DCC: variants seen among roughly 807,000 people sequenced by gnomAD.
DCC encodes the protein DCC netrin 1 receptor.
In DCC, 58 loss-of-function variants were observed where a neutral mutation model predicts 172.5. The observed-to-expected ratio is 0.34, with a 90% confidence interval of 0.27 to 0.42. DCC has a LOEUF of 0.42. Among genes scored for constraint, DCC ranks in the 10% least tolerant of loss-of-function variants. DCC has a pLI of 1.00. For missense variants in DCC, 1,740 were observed against 1,791.0 expected, an observed-to-expected ratio of 0.97 and a Z score of 0.51; for synonymous variants, 709 against 644.5, an observed-to-expected ratio of 1.10 and a Z score of -1.52.
chr18:53,192,832 C>T (rs1445066189), intron 9 of DCC, among the ~76,000 whole-genome samples: 1 of 152,180 alleles, frequency 6.6e-6, no homozygotes, highest in African/African-American at 2.4e-5. Context: ...CACACGTCTC[C>T]ACCTACACGC....
chr18:53,068,364 T>G (rs1038046388), intron 7 of DCC, among the ~76,000 whole-genome samples: 3 of 151,798 alleles, frequency 2.0e-5, no homozygotes, highest in African/African-American at 7.3e-5. Context: ...CTGCACCCAT[T>G]AACTCGTCAT....
chr18:52,993,139 T>C (rs1382127119), intron 5 of DCC, among the ~76,000 whole-genome samples: 3 of 152,122 alleles, frequency 2.0e-5, no homozygotes, highest in African/African-American at 7.2e-5. Flanking sequence ...TTAGAAAATA[T>C]CTCTGACAAG....
Position 52,610,169 on chromosome 18 carries a change from AAAAAAAAAAATATATAT to A in DCC, c.92-141883_92-141867del, listed in dbSNP as rs1179245145. ...TCTCTCATAAAAAAAAAAAAAAAAAAAAAAAAAAAATATATATATATATATATATATATATATATATA... is the reference window on the plus strand; with the variant it reads ...TCTCTCATAAAAAAAAAAAAAAAAAAATATATATATATATATATATATATA... On this transcript the variant is annotated intron_variant, in intron 1 of 28. Transcript: ENST00000442544. 3.8e-3 allele frequency among the ~76,000 whole-genome samples: 104 copies of A among 27,240 alleles called. 4 individuals carry two copies. Among genetic ancestry groups the A allele is most frequent in the African/African-American group, 0.017 (103 of 6,046 alleles). The allele number at this position is 27,240 out of a possible 152,430, so 17.9% of individuals were successfully genotyped here.
At chr18:52,518,130 C>A (rs1055703752) in intron 1 of DCC, among the ~76,000 whole-genome samples, 2 of 152,126 alleles carry the variant, frequency 1.3e-5, no homozygotes, top group Non-Finnish European at 2.9e-5. Flanking sequence ...AAAAAGCAAT[C>A]CTCCTAGAAA....
intron 2 of DCC, among the ~76,000 whole-genome samples, chr18:52,864,384 A>G (rs1025856852): frequency 1.3e-5 from 2 of 152,224 alleles, no homozygotes; most frequent in Admixed American, 1.3e-4. Context: ...TTTACAAGGA[A>G]ACACACAGAT....
At chr18:53,417,350 G>A (rs1910374163) in intron 21 of DCC, among the ~76,000 whole-genome samples, 1 of 152,130 alleles carries the variant, frequency 6.6e-6, no homozygotes, top group African/African-American at 2.4e-5. Flanking sequence ...ACTGTGCACA[G>A]CAATGGCTAC....
intron 1 of DCC, among the ~76,000 whole-genome samples, chr18:52,532,836 C>T (rs2032189217): frequency 6.6e-6 from 1 of 151,998 alleles, no homozygotes; most frequent in Non-Finnish European, 1.5e-5. Context: ...GTAGACCATT[C>T]AGTGGTTTTT....
intron 2 of DCC, among the ~76,000 whole-genome samples, chr18:52,773,935 G>T (rs1427066683): frequency 6.6e-6 from 1 of 152,216 alleles, no homozygotes; most frequent in African/African-American, 2.4e-5. Flanking sequence ...AATCAAGGCT[G>T]TTGAAGCTGC....
chr18:53,458,660 T>C (rs777582142), intron 23 of DCC, among the ~76,000 whole-genome samples: 3 of 152,260 alleles, frequency 2.0e-5, no homozygotes, highest in Non-Finnish European at 2.9e-5. Flanking sequence ...TGTTTGAATC[T>C]GGACACTCAG....
At chr18:52,823,393 G>A (rs1366540239) in intron 2 of DCC, among the ~76,000 whole-genome samples, 1 of 152,140 alleles carries the variant, frequency 6.6e-6, no homozygotes, top group Non-Finnish European at 1.5e-5. Context: ...TTCATATGAT[G>A]AAAAGATATA....
intron 7 of DCC, among the ~76,000 whole-genome samples, chr18:53,080,124 G>A (rs1281498300): frequency 2.6e-5 from 4 of 152,088 alleles, no homozygotes; most frequent in African/African-American, 9.7e-5. Flanking sequence ...AAGCAAGAGA[G>A]AATGAGGTCA....
At chr18:53,303,952 G>T (rs1211166415) in intron 12 of DCC, among the ~76,000 whole-genome samples, 1 of 152,294 alleles carries the variant, frequency 6.6e-6, no homozygotes, top group East Asian at 1.9e-4. Flanking sequence ...AAGCTAGAAA[G>T]GGGGTGGAGT....
At chr18:52,801,647 C>G (rs920940127) in intron 2 of DCC, among the ~76,000 whole-genome samples, 1 of 152,178 alleles carries the variant, frequency 6.6e-6, no homozygotes, top group Non-Finnish European at 1.5e-5. Context: ...TATTTTGAAT[C>G]TTACAGAAGG....
At chr18:52,856,318 C>T (rs953859218) in intron 2 of DCC, among the ~76,000 whole-genome samples, 1 of 151,920 alleles carries the variant, frequency 6.6e-6, no homozygotes, top group Non-Finnish European at 1.5e-5. Flanking sequence ...GATAGAATTA[C>T]TCTTCATAGC....
In DCC at chr18:52,497,377, A is replaced by ATG. The variant is rs528717545; in HGVS notation, c.91+156500_91+156501insGT. On this transcript the variant is annotated intron_variant, in intron 1 of 28. Transcript: ENST00000442544. ...TATACACACATATACATATGTGTAT[A>ATG]TATGTATACACACATATACATATGT... Among the ~76,000 whole-genome samples, 23 of 132,344 alleles carry ATG rather than the reference A, an allele frequency of 1.7e-4. No homozygotes were observed. In the South Asian group the frequency reaches 6.4e-3, roughly 37 times the overall value. 86.8% of individuals were successfully genotyped at this position (132,344 alleles called of 152,430 possible).
chr18:53,530,948 T>C lies in DCC; in HGVS notation c.*295T>C, dbSNP rs2046519302. On this transcript the variant is annotated 3_prime_UTR_variant, in exon 29 of 29. Transcript: ENST00000442544. ...TAGTCATGGGCCTTTGTCACTGCAG[T>C]GACCACACTGTCATAACTAATACCT... 2 of 497,002 alleles carry C rather than the reference T, an allele frequency of 4.0e-6. No homozygotes were observed. The highest frequency in any genetic ancestry group is 7.4e-6 in the Non-Finnish European group (2 of 271,740). The allele number at this position is 497,002 out of a possible 1,614,324, so 30.8% of individuals were successfully genotyped here. A position where few individuals can be genotyped will look rare whatever the true frequency, so the allele number is the denominator to read the frequency against.
At chr18:52,945,068 A>G (rs2040520017) in intron 5 of DCC, among the ~76,000 whole-genome samples, 1 of 152,208 alleles carries the variant, frequency 6.6e-6, no homozygotes, top group Admixed American at 6.5e-5. Context: ...ATGTTACCAT[A>G]TTGTGACATG....
At chr18:52,585,390 A>C (rs2033646724) in intron 1 of DCC, among the ~76,000 whole-genome samples, 1 of 152,242 alleles carries the variant, frequency 6.6e-6, no homozygotes, top group Non-Finnish European at 1.5e-5. Context: ...GAACTCACAT[A>C]CATAAGACAG....
intron 1 of DCC, among the ~76,000 whole-genome samples, chr18:52,377,269 C>A (rs1344546373): frequency 6.6e-5 from 10 of 152,158 alleles, no homozygotes; most frequent in Non-Finnish European, 1.3e-4. Flanking sequence ...CTATCCTGAG[C>A]ACTTCTCATT....
Sources: gnomAD v4.1 joint callset for allele counts (sites outside exome capture counted in the v4.1 genomes callset) on GRCh38, gnomAD v4.1.1 for gene constraint, MANE v1.5 for transcripts, NCBI Gene and HGNC (gene_info 2026-07-23, HGNC 2026-07-21) for gene names.